The following CCDC148 variants were observed in gnomAD, a reference collection of about 807,000 sequenced individuals.
CCDC148 encodes the protein coiled-coil domain-containing protein 148.
In CCDC148, 89 loss-of-function variants were observed where a neutral mutation model predicts 85.7. The ratio of observed to expected loss-of-function variants is 1.04; its 90% CI spans 0.87 to 1.24. The LOEUF (loss-of-function observed/expected upper bound fraction) is 1.24. Among genes scored for constraint, CCDC148 ranks in the 50% most tolerant of loss-of-function variants. The pLI is 0.00. For synonymous variants in CCDC148, 230 were observed against 213.9 expected (o/e 1.08, Z -0.66); for missense variants, 692 against 671.7 (o/e 1.03, Z -0.33).
intron 1 of CCDC148, among the ~76,000 whole-genome samples, chr2:158,435,268 T>G (rs149186257): frequency 6.6e-6 from 1 of 152,176 alleles, no homozygotes; most frequent in Non-Finnish European, 1.5e-5. Context: ...ATCAGACTAA[T>G]AGCAGATCTC....
At chr2:158,309,409 T>C (rs768401533) in intron 9 of CCDC148, 24 bp downstream of exon 9, 1 of 1,578,312 alleles carries the variant, frequency 6.3e-7, no homozygotes, top group Admixed American at 1.8e-5. Flanking sequence ...AGACAAATAC[T>C]GAAACACCTG....
chr2:158,220,462 AT>A (rs1437834778), intron 11 of CCDC148, 132 bp downstream of exon 11: 2 of 634,036 alleles, frequency 3.2e-6, no homozygotes, highest in African/African-American at 1.9e-5. Context: ...CATTGTATTC[AT>A]TTGTGAATAT....
chr2:158,236,478 T>A (rs779144429), intron 10 of CCDC148, among the ~76,000 whole-genome samples: 13 of 152,212 alleles, frequency 8.5e-5, no homozygotes, highest in Non-Finnish European at 1.6e-4. Context: ...TCCTGTTTAA[T>A]TTCTCTCTTT....
At chr2:158,256,495 T>C (rs893663257) in intron 9 of CCDC148, among the ~76,000 whole-genome samples, 1 of 151,832 alleles carries the variant, frequency 6.6e-6, no homozygotes, top group Non-Finnish European at 1.5e-5. Flanking sequence ...TAATAATAAT[T>C]AAACATTAAT....
intron 1 of CCDC148, among the ~76,000 whole-genome samples, chr2:158,413,265 T>C (rs1411106136): frequency 6.6e-6 from 1 of 150,554 alleles, no homozygotes; most frequent in African/African-American, 2.4e-5. Context: ...AAACTAACAG[T>C]TTTTTTTTCA....
intron 10 of CCDC148, among the ~76,000 whole-genome samples, chr2:158,224,000 C>T (rs368003092): frequency 1.3e-5 from 2 of 152,254 alleles, no homozygotes; most frequent in South Asian, 2.1e-4. Flanking sequence ...GAGAAGAAGG[C>T]TTCAGACGAT....
At chr2:158,348,691 G>T (rs1683115408) in intron 2 of CCDC148, among the ~76,000 whole-genome samples, 1 of 151,946 alleles carries the variant, frequency 6.6e-6, no homozygotes, top group Non-Finnish European at 1.5e-5. Flanking sequence ...GGCACAGGGG[G>T]TCATTTGTGG....
At chr2:158,259,301 T>C (rs937542351) in intron 9 of CCDC148, among the ~76,000 whole-genome samples, 4 of 151,912 alleles carry the variant, frequency 2.6e-5, no homozygotes, top group African/African-American at 9.7e-5. Context: ...TTCAGTCTTG[T>C]AATTACTTGA....
chr2:158,251,691 T>C (rs1688800261), intron 9 of CCDC148, among the ~76,000 whole-genome samples: 1 of 151,770 alleles, frequency 6.6e-6, no homozygotes, highest in South Asian at 2.1e-4. Flanking sequence ...ATGACTGCCA[T>C]TGAAAGAGGA....
intron 10 of CCDC148, among the ~76,000 whole-genome samples, chr2:158,250,355 C>A (rs895207601): frequency 6.6e-6 from 1 of 151,934 alleles, no homozygotes; most frequent in African/African-American, 2.4e-5. Context: ...CCATGAATTG[C>A]ACTGTCTCTA....
chr2:158,220,981 G>A (rs941937888), intron 10 of CCDC148, among the ~76,000 whole-genome samples: 4 of 152,098 alleles, frequency 2.6e-5, no homozygotes, highest in Non-Finnish European at 5.9e-5. Flanking sequence ...TTAATCTATG[G>A]CTAAAATAAT....
At chr2:158,222,113 A>T (rs991223136) in intron 10 of CCDC148, among the ~76,000 whole-genome samples, 4 of 152,222 alleles carry the variant, frequency 2.6e-5, no homozygotes, top group Admixed American at 2.6e-4. Flanking sequence ...TCAGAAAAAA[A>T]TTAAGCTACT....
At chr2:158,338,106 C>G (rs1250177236) in intron 7 of CCDC148, among the ~76,000 whole-genome samples, 1 of 151,984 alleles carries the variant, frequency 6.6e-6, no homozygotes, top group Non-Finnish European at 1.5e-5. Flanking sequence ...TGATCTAGTT[C>G]AGAGTGGTGT....
chr2:158,331,802 T>C lies in CCDC148; in HGVS notation c.764+6924A>G, dbSNP rs368547300. 8.5e-4 allele frequency among the ~76,000 whole-genome samples: 129 copies of C among 152,340 alleles called. 3 individuals are homozygous for C. In the South Asian group the frequency reaches 0.024, roughly 28 times the overall value. On this transcript the variant is annotated intron_variant, in intron 7 of 13. Transcript: ENST00000283233. ...TTTTGATCTTTGTTGGTTTAAAGTC[T>C]GTTTTATCAGAGACTAGGATTGCAA... is the stretch of plus-strand genomic sequence containing the variant.
At chr2:158,405,371 T>C (rs1685954050) in intron 1 of CCDC148, among the ~76,000 whole-genome samples, 1 of 152,180 alleles carries the variant, frequency 6.6e-6, no homozygotes, top group African/African-American at 2.4e-5. Context: ...GAAGATATAG[T>C]GCTTGTATAC....
intron 9 of CCDC148, among the ~76,000 whole-genome samples, chr2:158,252,570 A>G (rs1030239619): frequency 6.6e-6 from 1 of 151,734 alleles, no homozygotes; most frequent in African/African-American, 2.4e-5. Flanking sequence ...CCTCATGGTG[A>G]TAGTTGACAC....
intron 1 of CCDC148, among the ~76,000 whole-genome samples, chr2:158,399,942 A>C (rs1376947870): frequency 2.6e-5 from 4 of 152,174 alleles, no homozygotes; most frequent in Non-Finnish European, 5.9e-5. Context: ...GTGAACTCCT[A>C]TACACAATTA....
At chr2:158,294,034 TTCCTTCCTTCCTTCCTTCCTTCC>T (rs1559049837) in intron 9 of CCDC148, among the ~76,000 whole-genome samples, 1 of 94,610 alleles carries the variant, frequency 1.1e-5, no homozygotes, top group Non-Finnish European at 2.0e-5. Flanking sequence ...CCTTCCTTCC[TTCCTTCCTTCCTTCCTTCCTTCC>T]TTCCTTCCGC....
At chr2:158,226,715 T>A (rs1277612870) in intron 10 of CCDC148, among the ~76,000 whole-genome samples, 1 of 152,154 alleles carries the variant, frequency 6.6e-6, no homozygotes, top group African/African-American at 2.4e-5. Context: ...CACATGATTA[T>A]CTCAATAGAT....
Sources: allele counts gnomAD v4.1 joint callset (sites outside exome capture counted in the v4.1 genomes callset), GRCh38; gene constraint gnomAD v4.1.1; transcripts MANE v1.5; gene names NCBI Gene and HGNC (gene_info 2026-07-23, HGNC 2026-07-21).